The following WWTR1 variants were observed in gnomAD, a reference collection of about 807,000 sequenced individuals.
The protein encoded by WWTR1 is WW domain containing transcription regulator 1.
In WWTR1, 13 loss-of-function variants were observed where a neutral mutation model predicts 40.1. The ratio of observed to expected loss-of-function variants is 0.32; its 90% CI spans 0.21 to 0.52. WWTR1 has a LOEUF of 0.52. WWTR1 is among the 20% of genes least tolerant of loss of function. WWTR1 has a pLI of 0.97. For synonymous variants in WWTR1, 230 were observed against 210.1 expected (o/e 1.09, Z -0.82); for missense variants, 436 against 523.1 (o/e 0.83, Z 1.63).
intron 2 of WWTR1, among the ~76,000 whole-genome samples, chr3:149,640,079 A>G (rs1712076880): frequency 6.6e-6 from 1 of 152,096 alleles, no homozygotes; most frequent in Admixed American, 6.6e-5. Context: ...GGGCACTAAC[A>G]TGATTTCTTG....
At chr3:149,665,090 C>T (rs1713754560) in intron 2 of WWTR1, among the ~76,000 whole-genome samples, 1 of 151,702 alleles carries the variant, frequency 6.6e-6, no homozygotes, top group South Asian at 2.1e-4. Flanking sequence ...AGATATTTTC[C>T]TAGAAAATAA....
chr3:149,532,978 C>T (rs981454100), intron 4 of WWTR1, among the ~76,000 whole-genome samples: 1 of 152,240 alleles, frequency 6.6e-6, no homozygotes, highest in Non-Finnish European at 1.5e-5. Context: ...CGCTGAGCAT[C>T]GGTGGTGCAG....
chr3:149,682,638 G>C (rs1216179362), intron 1 of WWTR1, among the ~76,000 whole-genome samples: 1 of 152,120 alleles, frequency 6.6e-6, no homozygotes, highest in Non-Finnish European at 1.5e-5. Flanking sequence ...AATTTCAAAT[G>C]ATTGCAATCT....
At chr3:149,622,492 AGGAAGG>A (rs1560089688) in intron 2 of WWTR1, among the ~76,000 whole-genome samples, 1 of 138,854 alleles carries the variant, frequency 7.2e-6, no homozygotes, top group African/African-American at 2.8e-5. Context: ...GAAGGAAGGA[AGGAAGG>A]AAGGAAGAAA....
chr3:149,550,193 T>C (rs564208664), intron 3 of WWTR1, among the ~76,000 whole-genome samples: 4 of 152,164 alleles, frequency 2.6e-5, no homozygotes, highest in Non-Finnish European at 5.9e-5. Context: ...ATGGTTGGGG[T>C]ATGTACAAAT....
chr3:149,648,174 A>G (rs1712642610), intron 2 of WWTR1, among the ~76,000 whole-genome samples: 1 of 152,204 alleles, frequency 6.6e-6, no homozygotes, highest in African/African-American at 2.4e-5. Context: ...CACTGCATTT[A>G]GTATCTGGAG....
upstream of WWTR1, among the ~76,000 whole-genome samples, chr3:149,662,437 TA>T (rs2108175976): frequency 6.6e-6 from 1 of 152,348 alleles, no homozygotes; most frequent in South Asian, 2.1e-4. Context: ...TGCCTGCTTC[TA>T]AATCCTCCCC....
chr3:149,565,545 C>G (rs1023348541), intron 3 of WWTR1, among the ~76,000 whole-genome samples: 1 of 152,084 alleles, frequency 6.6e-6, no homozygotes, highest in African/African-American at 2.4e-5. Context: ...AAAAGGAACT[C>G]AATCCGTTGA....
chr3:149,708,956 C>A (rs1263474905), intron 5 of WWTR1, among the ~76,000 whole-genome samples: 1 of 152,106 alleles, frequency 6.6e-6, no homozygotes, highest in Non-Finnish European at 1.5e-5. Flanking sequence ...CCAGTTTCTT[C>A]ACAACCTCAC....
chr3:149,541,194 C>A, intron 4 of WWTR1: 1 of 364,806 alleles, frequency 2.7e-6, no homozygotes, highest in Admixed American at 3.6e-5. Context: ...AAAAATGTAG[C>A]CAGAAAAAAA....
At chr3:149,680,426 C>T (rs1714417855) in intron 1 of WWTR1, among the ~76,000 whole-genome samples, 1 of 152,186 alleles carries the variant, frequency 6.6e-6, no homozygotes, top group African/African-American at 2.4e-5. Context: ...CACCTGTAAT[C>T]TCAGCTACTT....
chr3:149,717,641 A>C (rs1345484494), intron 4 of WWTR1: 1 of 152,256 alleles, frequency 6.6e-6, no homozygotes, highest in Non-Finnish European at 1.5e-5. Flanking sequence ...GTGCCCAAGA[A>C]GTGAAGGACA....
At chr3:149,580,987 G>A (rs1020139478) in intron 2 of WWTR1, among the ~76,000 whole-genome samples, 2 of 152,190 alleles carry the variant, frequency 1.3e-5, no homozygotes, top group African/African-American at 4.8e-5. Flanking sequence ...GCATAATGTG[G>A]AGTCGGCTTT....
At chr3:149,537,833 G>A (rs769184365) in intron 4 of WWTR1, among the ~76,000 whole-genome samples, 1 of 152,182 alleles carries the variant, frequency 6.6e-6, no homozygotes, top group Non-Finnish European at 1.5e-5. Context: ...CATACAGGAT[G>A]TAGTTTTGGG....
chr3:149,719,748 A>AT (rs1715712402), intron 4 of WWTR1, among the ~76,000 whole-genome samples: 1 of 152,078 alleles, frequency 6.6e-6, no homozygotes, highest in Non-Finnish European at 1.5e-5. Context: ...CAAAGATTCT[A>AT]TTTTCTCCAC....
intron 2 of WWTR1, among the ~76,000 whole-genome samples, chr3:149,587,073 C>T (rs1341716575): frequency 1.3e-5 from 2 of 152,102 alleles, no homozygotes; most frequent in Non-Finnish European, 2.9e-5. Flanking sequence ...TGGATCAAAT[C>T]CAAGGAGGGA....
Position 149,680,668 on chromosome 3 carries a change from T to TA in WWTR1, c.-107-10778dup, listed in dbSNP as rs35951677. Reference sequence around the variant, plus strand: ...AGGCAACATAGAGAGACACCATTTCTAAAAAAAAAAAAATGAAAAAAGAAT... The same window carrying TA: ...AGGCAACATAGAGAGACACCATTTCTAAAAAAAAAAAAAATGAAAAAAGAAT... On this transcript the variant is annotated intron_variant, in intron 1 of 7. Transcript: ENST00000465804. Among the ~76,000 whole-genome samples, 223 of 146,650 alleles carry TA rather than the reference T, an allele frequency of 1.5e-3. 2 individuals are homozygous for TA. The highest frequency in any genetic ancestry group is 0.015 in the South Asian group (69 of 4,614).
intron 2 of WWTR1, among the ~76,000 whole-genome samples, chr3:149,623,816 C>A (rs768488049): frequency 3.3e-5 from 5 of 152,302 alleles, no homozygotes; most frequent in Non-Finnish European, 7.4e-5. Flanking sequence ...AATGCCAGAA[C>A]CTCACAGTCC....
At chr3:149,662,911 CAA>C (rs916007513), upstream of WWTR1, among the ~76,000 whole-genome samples, 1 of 152,186 alleles carries the variant, frequency 6.6e-6, no homozygotes, top group African/African-American at 2.4e-5. Flanking sequence ...GAATTCTGCT[CAA>C]AATTGTCCTC....
Sources: gnomAD v4.1 joint callset for allele counts (sites outside exome capture counted in the v4.1 genomes callset) on GRCh38, gnomAD v4.1.1 for gene constraint, MANE v1.5 for transcripts, NCBI Gene and HGNC (gene_info 2026-07-23, HGNC 2026-07-21) for gene names.